The following MIIP variants were observed in gnomAD, a reference collection of about 807,000 sequenced individuals.
MIIP encodes the protein migration and invasion inhibitory protein.
Under a neutral mutation model 44.8 loss-of-function variants are expected in MIIP, and 44 were observed. That is an observed-to-expected ratio of 0.98 (90% CI 0.77 to 1.26). The LOEUF (loss-of-function observed/expected upper bound fraction) is 1.26, where lower values mean the gene tolerates loss of function less well. Ranked by LOEUF, MIIP falls within the 50% of genes most tolerant of loss-of-function variation. MIIP has a pLI of 0.00. For missense variants in MIIP, 496 were observed against 511.7 expected (o/e 0.97, Z 0.30); for synonymous variants, 225 against 218.3 (o/e 1.03, Z -0.27).
rs3820187 is a variant in MIIP at position 12,030,372 on chromosome 1, T to G, written c.942+248T>G. Among the ~76,000 whole-genome samples, 370 of 152,034 alleles carry G rather than the reference T, an allele frequency of 2.4e-3. 3 individuals carry two copies. Among genetic ancestry groups the G allele is most frequent in the East Asian group, 4.3e-3 (22 of 5,140 alleles). On this transcript the variant is annotated intron_variant, in intron 8 of 9. Transcript: ENST00000235332. The stretch of plus-strand genomic sequence containing the variant: ...TGGCATGACATGAATGGGTCCTGTT[T>G]ATTGCGCTTTTGTGTACTGCAGGCA...
intron 1 of MIIP, among the ~76,000 whole-genome samples, chr1:12,021,350 CGCCACTGCACTCCA>C (rs1444603692): frequency 1.2e-4 from 18 of 150,852 alleles, no homozygotes; most frequent in Non-Finnish European, 2.1e-4. Flanking sequence ...GCCGAGATTG[CGCCACTGCACTCCA>C]GCCTGGGCGA....
intron 4 of MIIP, chr1:12,028,764 G>A: frequency 2.1e-6 from 1 of 480,044 alleles, no homozygotes; most frequent in East Asian, 3.7e-5. Context: ...CTAGTTCCTG[G>A]CACATGAAAC....
chr1:12,020,715 A>C (rs575970678), intron 1 of MIIP, among the ~76,000 whole-genome samples: 1 of 150,684 alleles, frequency 6.6e-6, no homozygotes, highest in South Asian at 2.1e-4. Context: ...ACGGAGTCTC[A>C]CCCTGTCGCC....
At position 12,021,885 on chromosome 1, in the gene MIIP, C is replaced by T. The variant is rs756389639; in HGVS notation, c.114+45C>T. 1.9e-5 allele frequency: 28 copies of T among 1,486,044 alleles called. No homozygotes were observed. In the South Asian group the frequency reaches 3.3e-4, roughly 18 times the overall value. The allele number at this position is 1,486,044 out of a possible 1,614,324, so 92.1% of individuals were successfully genotyped here. A position where few individuals can be genotyped will look rare whatever the true frequency, so the allele number is the denominator to read the frequency against. ...ACCCCAGAGGAAGGGGCTACCTGACCTTCAGGCCAGCATCCAGGCTTCTGG... is the reference window on the plus strand; with the variant it reads ...ACCCCAGAGGAAGGGGCTACCTGACTTTCAGGCCAGCATCCAGGCTTCTGG... On this transcript the variant is annotated intron_variant, in intron 2 of 9. Coordinates refer to ENST00000235332, the MANE Select transcript of MIIP (RefSeq NM_021933.4).
In MIIP at chr1:12,022,396, C is replaced by T. The variant is rs1344279767; in HGVS notation, c.416C>T (p.Ala139Val). ...CTGGGTGATCCAGGACCCCAGGAGG[C>T]ACAGACCCCGAGGTCCATCCTGGCT... ...GRLGDPGPQE[A>V]QTPRSILAQQ... Residue 139 changes from alanine to valine, a missense_variant, in exon 3 of 10, where the codon GCA becomes GTA. By Grantham distance (64) the Ala-to-Val change is moderately conservative. Coordinates refer to ENST00000235332, the MANE Select transcript of MIIP (RefSeq NM_021933.4). 1 of 1,605,440 alleles carries T rather than the reference C, an allele frequency of 6.2e-7. No individual in the cohort carries two copies. Among genetic ancestry groups the T allele is most frequent in the Non-Finnish European group, 8.5e-7 (1 of 1,176,606 alleles).
intron 4 of MIIP, chr1:12,024,213 C>T (rs935650811): frequency 1.3e-5 from 2 of 152,098 alleles, no homozygotes; most frequent in Admixed American, 6.6e-5. Flanking sequence ...TCCCAGCTGC[C>T]GTATGTTTGA....
intron 8 of MIIP, 168 bp from the exon 9 acceptor site, chr1:12,031,098 C>A: frequency 1.3e-6 from 1 of 789,412 alleles, no homozygotes; most frequent in Non-Finnish European, 2.0e-6. Context: ...CTGGATCTGC[C>A]AGGATAAGAA....
intron 9 of MIIP, 52 bp downstream of exon 9, chr1:12,031,455 C>T (rs1415951526): frequency 6.3e-7 from 1 of 1,588,860 alleles, no homozygotes; most frequent in Non-Finnish European, 8.6e-7. Flanking sequence ...GGGACAGAGA[C>T]CTCGCAGCAG....
At chr1:12,029,178 G>C (rs1053970923) in intron 5 of MIIP, 37 bp downstream of exon 5, 1 of 1,613,454 alleles carries the variant, frequency 6.2e-7, no homozygotes, top group Non-Finnish European at 8.5e-7. Flanking sequence ...GAGGGCGGCT[G>C]AGCGGCTCCA....
chr1:12,019,775 C>T (rs1639930702), intron 1 of MIIP, among the ~76,000 whole-genome samples: 1 of 152,268 alleles, frequency 6.6e-6, no homozygotes, highest in Non-Finnish European at 1.5e-5. Context: ...CAGCTTTTCC[C>T]TTTCCAAAGC....
intron 4 of MIIP, among the ~76,000 whole-genome samples, chr1:12,027,862 A>G (rs910056040): frequency 2.6e-5 from 4 of 152,242 alleles, no homozygotes; most frequent in African/African-American, 4.8e-5. Context: ...AGGTCAGGCC[A>G]TAAACTTGCT....
At chr1:12,022,962 A>G (rs1415254948) in intron 4 of MIIP, 45 bp downstream of exon 4, 3 of 1,444,186 alleles carry the variant, frequency 2.1e-6, no homozygotes, top group Non-Finnish European at 2.8e-6. Flanking sequence ...TGGGAGTGGG[A>G]GGTGGAGGCC....
chr1:12,021,191 G>A (rs981353316), intron 1 of MIIP, among the ~76,000 whole-genome samples: 3 of 151,874 alleles, frequency 2.0e-5, no homozygotes, highest in Admixed American at 1.3e-4. Context: ...TCATGAGATC[G>A]AGACCATCCT....
In MIIP at chr1:12,031,903, C is replaced by T; in HGVS notation, c.*95C>T. 1.5e-6 allele frequency: 2 copies of T among 1,291,852 alleles called. No homozygotes were observed. Among genetic ancestry groups the T allele is most frequent in the Non-Finnish European group, 2.2e-6 (2 of 916,144 alleles). The allele number at this position is 1,291,852 out of a possible 1,614,324, so 80.0% of individuals were successfully genotyped here. A position where few individuals can be genotyped will look rare whatever the true frequency, so the allele number is the denominator to read the frequency against. ...GAGATGGAATCCCCTGCCCGCCCAG[C>T]TCAGGCCCAGCTGTCCTAGGTTGGG... On this transcript the variant is annotated 3_prime_UTR_variant, in exon 10 of 10. Transcript: ENST00000235332.
chr1:12,021,020 C>T (rs769730734), intron 1 of MIIP, among the ~76,000 whole-genome samples: 1 of 152,122 alleles, frequency 6.6e-6, no homozygotes, highest in Non-Finnish European at 1.5e-5. Flanking sequence ...CCATGGCTCA[C>T]TGCAGCCTGG....
Position 12,029,206 on chromosome 1 carries a change from C to T in MIIP, c.657-17C>T. 6.2e-7 allele frequency: 1 copy of T among 1,613,612 alleles called. No homozygotes were observed. The highest frequency in any genetic ancestry group is 1.7e-4 in the Middle Eastern group (1 of 6,056). ...CGGCTCCATCCCCCGGCCTGCTCAT[C>T]CCCCTCGCCCTCTCAGACCCCAGTT... On this transcript the variant is annotated splice_polypyrimidine_tract_variant and intron_variant, in intron 5 of 9. Coordinates refer to ENST00000235332, the MANE Select transcript of MIIP (RefSeq NM_021933.4).
At position 12,031,702 on chromosome 1, in the gene MIIP, C is replaced by T; in HGVS notation, c.1081-20C>T. The T allele has an allele frequency of 6.2e-7, 1 of 1,614,070 alleles. No homozygotes were observed. Among genetic ancestry groups the T allele is most frequent in the South Asian group, 1.1e-5 (1 of 91,084 alleles). On this transcript the variant is annotated intron_variant, in intron 9 of 9. Coordinates refer to ENST00000235332, the MANE Select transcript of MIIP (RefSeq NM_021933.4). ...TCCCTTTCAAGTGGCCCCCCTGAGA[C>T]TTCCCTATTCCCCATCCAGGCCTCA...
intron 6 of MIIP, 23 bp downstream of exon 6, chr1:12,029,304 G>T (rs1299458784): frequency 6.2e-7 from 1 of 1,609,230 alleles, no homozygotes; most frequent in Admixed American, 1.7e-5. Context: ...CCTCGGCTAG[G>T]CCGCTGAGTA....
At chr1:12,026,914 G>C (rs1640114901) in intron 4 of MIIP, among the ~76,000 whole-genome samples, 1 of 151,912 alleles carries the variant, frequency 6.6e-6, no homozygotes, top group Admixed American at 6.6e-5. Context: ...TCCAGTGACT[G>C]CCTGTTTTCT....
Sources: gnomAD v4.1 joint callset for allele counts (sites outside exome capture counted in the v4.1 genomes callset) on GRCh38, gnomAD v4.1.1 for gene constraint, MANE v1.5 for transcripts, NCBI Gene and HGNC (gene_info 2026-07-23, HGNC 2026-07-21) for gene names.